TBCD: variants seen among roughly 807,000 people sequenced by gnomAD.
TBCD encodes the protein tubulin folding cofactor D.
Under a neutral mutation model 169.3 loss-of-function variants are expected in TBCD, and 105 were observed. The ratio of observed to expected loss-of-function variants is 0.62; its 90% CI spans 0.53 to 0.73. TBCD has a LOEUF of 0.73. Among genes scored for constraint, TBCD ranks in the 30% least tolerant of loss-of-function variants. The pLI is 0.00. For synonymous variants in TBCD, 700 were observed against 643.9 expected (o/e 1.09, Z -1.32); for missense variants, 1,444 against 1,600.1 (o/e 0.90, Z 1.66).
At chr17:82,839,397 T>C (rs768131052) in intron 13 of TBCD, among the ~76,000 whole-genome samples, 4 of 150,694 alleles carry the variant, frequency 2.7e-5, no homozygotes, top group Non-Finnish European at 5.9e-5. Flanking sequence ...ACACCACACA[T>C]ATATATAACC....
chr17:82,836,376 C>T (rs912764348), intron 13 of TBCD, among the ~76,000 whole-genome samples: 1 of 152,224 alleles, frequency 6.6e-6, no homozygotes, highest in Non-Finnish European at 1.5e-5. Flanking sequence ...ATGATTTCAT[C>T]ACTAGCTGGA....
In TBCD at chr17:82,922,742, T is replaced by C. The variant is rs1443449441; in HGVS notation, c.2179-910T>C. ...GTAGACGACGCACCTCCTCTGCTCATGGCCCCCACCTGCCCCGCCCCCAGT... is the reference window on the plus strand; with the variant it reads ...GTAGACGACGCACCTCCTCTGCTCACGGCCCCCACCTGCCCCGCCCCCAGT... On this transcript the variant is annotated intron_variant, in intron 25 of 38. Transcript: ENST00000355528. The surrounding 1 kb of genome is among the most constrained non-coding windows in gnomAD (Gnocchi z 4.1). Among the ~76,000 whole-genome samples, 3 of 152,222 alleles carry C rather than the reference T, an allele frequency of 2.0e-5. No homozygotes were observed. The highest frequency in any genetic ancestry group is 6.5e-5 in the Admixed American group (1 of 15,288).
At chr17:82,857,258 C>T (rs1309082550) in intron 13 of TBCD, among the ~76,000 whole-genome samples, 1 of 152,186 alleles carries the variant, frequency 6.6e-6, no homozygotes, top group African/African-American at 2.4e-5. Flanking sequence ...TTGTGTATTT[C>T]TCTGGATAAA....
rs374008800 is a variant in TBCD at position 82,875,796 on chromosome 17, GAGC to G, written c.1475+5419_1475+5421del. On this transcript the variant is annotated intron_variant, in intron 14 of 38. Transcript: ENST00000355528. ...CAAGAAAAGTTAAGTGGCCATTACC[GAGC>G]AGAGTCCTAACCCTGTGAAACCCGG... Among the ~76,000 whole-genome samples the G allele has an allele frequency of 6.4e-4, 97 of 152,280 alleles. No individual in the cohort carries two copies. In the East Asian group the frequency reaches 0.015, roughly 24 times the overall value.
chr17:82,812,326 G>A (rs1454002872), intron 12 of TBCD, among the ~76,000 whole-genome samples: 1 of 152,158 alleles, frequency 6.6e-6, no homozygotes, highest in Non-Finnish European at 1.5e-5. Context: ...CCCCTCGCCC[G>A]CCGCCCCGTG....
intron 13 of TBCD, among the ~76,000 whole-genome samples, chr17:82,823,517 A>G (rs2052579971): frequency 6.6e-6 from 1 of 150,978 alleles, no homozygotes; most frequent in African/African-American, 2.4e-5. Flanking sequence ...TTCGTGTTGC[A>G]CTCCGCCCTG....
Position 82,939,206 on chromosome 17 carries a change from C to T in TBCD, c.3370-161C>T. The stretch of plus-strand genomic sequence containing the variant: ...TGGTTAATGGGCCTGGAAGGCACCT[C>T]CTCTTGGTTGCAGCCCTGCTGTGGC... On this transcript the variant is annotated intron_variant, in intron 36 of 38. Coordinates refer to ENST00000355528, the MANE Select transcript of TBCD (RefSeq NM_005993.5). 6.0e-6 allele frequency: 4 copies of T among 663,926 alleles called. No homozygotes were observed. The East Asian group carries it at 8.2e-5, about 14-fold the overall frequency. 41.1% of individuals were successfully genotyped at this position (663,926 alleles called of 1,614,324 possible).
chr17:82,823,722 C>T (rs1006820698), intron 13 of TBCD, among the ~76,000 whole-genome samples: 1 of 151,868 alleles, frequency 6.6e-6, no homozygotes, highest in African/African-American at 2.4e-5. Context: ...TATAATTCAC[C>T]CATTTAAAAT....
At position 82,928,005 on chromosome 17, in the gene TBCD, AGCTCTTCT is replaced by A; in HGVS notation, c.2693+20_2693+27del. The A allele has an allele frequency of 6.2e-7, 1 of 1,605,952 alleles. No homozygotes were observed. The highest frequency in any genetic ancestry group is 8.5e-7 in the Non-Finnish European group (1 of 1,178,158). ...GGCCCATACGTGAGTGTCACGTCGC[AGCTCTTCT>A]GCATCCTAGAGGGCAGCCCCGAGCT... On this transcript the variant is annotated intron_variant, in intron 30 of 38. Coordinates refer to ENST00000355528, the MANE Select transcript of TBCD (RefSeq NM_005993.5).
Position 82,937,239 on chromosome 17 carries a change from G to A in TBCD, c.3192-32G>A, listed in dbSNP as rs541160064. On this transcript the variant is annotated intron_variant, in intron 34 of 38. Transcript: ENST00000355528. ...GTGCATCCCGGGGCTGCCTGTGAAA[G>A]CTCATCTCTAAAGTGTGTGTTGTTC... The A allele has an allele frequency of 1.5e-5, 24 of 1,605,978 alleles. No homozygotes were observed. The South Asian group carries it at 2.3e-4, about 15-fold the overall frequency.
At chr17:82,786,749 C>T (rs922611460) in intron 7 of TBCD, among the ~76,000 whole-genome samples, 2 of 151,778 alleles carry the variant, frequency 1.3e-5, no homozygotes, top group Non-Finnish European at 2.9e-5. Flanking sequence ...CCGAGTCCTT[C>T]TCGGCTTGGG....
At chr17:82,875,747 CA>C (rs1345174718) in intron 14 of TBCD, among the ~76,000 whole-genome samples, 68 of 152,310 alleles carry the variant, frequency 4.5e-4, no homozygotes, top group African/African-American at 1.5e-3. Flanking sequence ...GCACAGCTTC[CA>C]GGGGAAGACA....
chr17:82,917,940 TC>T (rs540563903), intron 23 of TBCD, among the ~76,000 whole-genome samples: 2 of 152,264 alleles, frequency 1.3e-5, no homozygotes, highest in Non-Finnish European at 2.9e-5. Context: ...TGCAGGCACT[TC>T]CTGTGTGTTT....
At chr17:82,927,012 G>A in intron 28 of TBCD, 174 bp from the exon 29 acceptor site, 1 of 888,594 alleles carries the variant, frequency 1.1e-6, no homozygotes, top group African/African-American at 1.7e-5. Context: ...CCTCGGGGAA[G>A]CACGTCCCAC....
chr17:82,765,509 A>G (rs572613507), intron 3 of TBCD, among the ~76,000 whole-genome samples: 2 of 152,300 alleles, frequency 1.3e-5, no homozygotes, highest in East Asian at 3.9e-4. Context: ...CAGCCGTCTC[A>G]GGGTGGGGCT....
intron 3 of TBCD, among the ~76,000 whole-genome samples, chr17:82,765,634 T>G (rs590315): frequency 0.39 from 59,927 of 151,818 alleles, 11,860 homozygotes; most frequent in Middle Eastern, 0.43. Context: ...GCTCCTCTGT[T>G]TGAGGTTAGG....
At chr17:82,837,613 G>A (rs755415094) in intron 13 of TBCD, among the ~76,000 whole-genome samples, 3 of 152,274 alleles carry the variant, frequency 2.0e-5, no homozygotes, top group South Asian at 2.1e-4. Context: ...CAGTGCTAGC[G>A]TGTTTTACAG....
At chr17:82,907,998 T>C (rs1273293311) in intron 21 of TBCD, among the ~76,000 whole-genome samples, 177 bp downstream of exon 21, 1 of 152,192 alleles carries the variant, frequency 6.6e-6, no homozygotes, top group East Asian at 1.9e-4. Context: ...TCTGCTGGCG[T>C]CATGCTTGTG....
chr17:82,757,642 A>C (rs867098788), intron 2 of TBCD, among the ~76,000 whole-genome samples: 2,895 of 151,814 alleles, frequency 0.019, 97 homozygotes, highest in African/African-American at 0.067. Context: ...AAAAACCAAA[A>C]AAAACCCTCT....
Sources: gnomAD v4.1 joint callset for allele counts (sites outside exome capture counted in the v4.1 genomes callset) on GRCh38, gnomAD v4.1.1 for gene constraint, Gnocchi (gnomAD v3.1) non-coding constraint, MANE v1.5 for transcripts, NCBI Gene and HGNC (gene_info 2026-07-23, HGNC 2026-07-21) for gene names.